Variants in FHIT observed in about 807,000 individuals in gnomAD.
FHIT encodes the protein fragile histidine triad diadenosine triphosphatase.
A neutral mutation model predicts 17.9 loss-of-function variants in FHIT; 19 were observed. That is an observed-to-expected ratio of 1.06 (90% confidence interval 0.74 to 1.56). The LOEUF is 1.56. FHIT is among the 40% of genes most tolerant of loss of function. The probability of loss-of-function intolerance (pLI) is 0.00; values close to 1 mark genes in which losing one functional copy is unlikely to be tolerated. For missense variants in FHIT, 248 were observed against 189.2 expected (o/e 1.31, Z -1.82); for synonymous variants, 81 against 69.7 (o/e 1.16, Z -0.81).
intron 5 of FHIT, among the ~76,000 whole-genome samples, chr3:60,530,898 A>G (rs779928987): frequency 6.6e-5 from 10 of 152,204 alleles, no homozygotes; most frequent in Non-Finnish European, 1.2e-4. Flanking sequence ...GCTGGTGGCC[A>G]TGTACTCTAA....
chr3:61,002,545 GAGCCACAGGCATT>G (rs2031165511), intron 3 of FHIT, among the ~76,000 whole-genome samples: 1 of 152,122 alleles, frequency 6.6e-6, no homozygotes, highest in Non-Finnish European at 1.5e-5. Context: ...CCACAGGCAT[GAGCCACAGGCATT>G]AGCCACTGCA....
intron 1 of FHIT, among the ~76,000 whole-genome samples, chr3:61,243,170 G>A (rs752870292): frequency 2.6e-5 from 4 of 152,216 alleles, no homozygotes; most frequent in African/African-American, 4.8e-5. Context: ...CTCTTTCACC[G>A]TCATAATTTT....
At chr3:60,715,307 C>T (rs962645695) in intron 4 of FHIT, among the ~76,000 whole-genome samples, 4 of 152,052 alleles carry the variant, frequency 2.6e-5, no homozygotes, top group Non-Finnish European at 4.4e-5. Flanking sequence ...AAGACTTAAA[C>T]ATTAGACCTA....
intron 8 of FHIT, among the ~76,000 whole-genome samples, chr3:59,885,281 C>A (rs79177931): frequency 0.011 from 1,738 of 151,954 alleles, 22 homozygotes; most frequent in South Asian, 0.021. Context: ...TCTTCAGACA[C>A]TGAAAATATT....
intron 4 of FHIT, 106 bp from the exon 5 acceptor site, chr3:60,537,085 G>C: frequency 1.1e-6 from 1 of 887,050 alleles, no homozygotes; most frequent in African/African-American, 1.7e-5. Context: ...TAGTTGCAGA[G>C]AGGATGCCAT....
intron 5 of FHIT, among the ~76,000 whole-genome samples, chr3:60,330,784 G>A (rs567659750): frequency 8.5e-5 from 13 of 152,232 alleles, no homozygotes; most frequent in African/African-American, 1.2e-4. Context: ...TGATTTACAC[G>A]TGTTACAATT....
At chr3:60,221,797 G>C (rs996538854) in intron 5 of FHIT, among the ~76,000 whole-genome samples, 1 of 151,862 alleles carries the variant, frequency 6.6e-6, no homozygotes, top group Non-Finnish European at 1.5e-5. Context: ...GCCTAAAATT[G>C]ATCTCCTCAG....
At chr3:60,917,648 T>C (rs1378630227) in intron 3 of FHIT, among the ~76,000 whole-genome samples, 2 of 152,218 alleles carry the variant, frequency 1.3e-5, no homozygotes, top group Non-Finnish European at 2.9e-5. Context: ...TCAGATGTTT[T>C]TCCTCCTTCA....
intron 5 of FHIT, among the ~76,000 whole-genome samples, chr3:60,231,472 T>C (rs1289681079): frequency 6.6e-6 from 1 of 152,178 alleles, no homozygotes; most frequent in Non-Finnish European, 1.5e-5. Flanking sequence ...ACCAACAACC[T>C]GACTTCTAGC....
At chr3:60,576,949 T>C (rs914652835) in intron 4 of FHIT, among the ~76,000 whole-genome samples, 7 of 146,848 alleles carry the variant, frequency 4.8e-5, no homozygotes, top group South Asian at 2.2e-4. Context: ...TCCATTTGCA[T>C]ACACACACAC....
chr3:60,524,746 C>T (rs2035509984), intron 5 of FHIT, among the ~76,000 whole-genome samples: 1 of 152,108 alleles, frequency 6.6e-6, no homozygotes, highest in Non-Finnish European at 1.5e-5. Context: ...CATGTTGTGT[C>T]CTCCTTTTCT....
At position 59,969,805 on chromosome 3, in the gene FHIT, T is replaced by C. The variant is rs3772471; in HGVS notation, c.279+41566A>G. ...CAAAAGCGAGATATTTTCTTGAAAG[T>C]AAAATAACAAAACTTACTGTATGTC... On this transcript the variant is annotated intron_variant, in intron 7 of 9. Transcript: ENST00000492590. Among the ~76,000 whole-genome samples the C allele has an allele frequency of 2.0e-5, 3 of 152,076 alleles. No homozygotes were observed. The East Asian group carries it at 5.8e-4, about 29-fold the overall frequency.
At chr3:60,664,407 G>C (rs1221429233) in intron 4 of FHIT, among the ~76,000 whole-genome samples, 1 of 151,838 alleles carries the variant, frequency 6.6e-6, no homozygotes, top group Non-Finnish European at 1.5e-5. Context: ...ATTTACAAAA[G>C]ACATTGAACT....
chr3:59,814,610 A>C (rs1258490850), intron 8 of FHIT, among the ~76,000 whole-genome samples: 1 of 152,214 alleles, frequency 6.6e-6, no homozygotes, highest in Non-Finnish European at 1.5e-5. Context: ...AGTGGACTCC[A>C]TCCCTTGTCC....
At chr3:60,486,333 T>C (rs886501887) in intron 5 of FHIT, among the ~76,000 whole-genome samples, 1 of 152,162 alleles carries the variant, frequency 6.6e-6, no homozygotes, top group Non-Finnish European at 1.5e-5. Context: ...CATTCTTTTT[T>C]CACAAAAGCA....
chr3:60,441,754 A>T lies in FHIT; in HGVS notation c.103+95106T>A, dbSNP rs1166062246. ...TTTATATATATATATTTATATATAT[A>T]AAAATATATATATATTTATATGTAT... is the stretch of plus-strand genomic sequence containing the variant. On this transcript the variant is annotated intron_variant, in intron 5 of 9. Coordinates refer to ENST00000492590, the MANE Select transcript of FHIT (RefSeq NM_002012.4). Among the ~76,000 whole-genome samples, 39 of 46,380 alleles carry T rather than the reference A, an allele frequency of 8.4e-4. 1 individual carries two copies. The highest frequency in any genetic ancestry group is 2.7e-3 in the African/African-American group (35 of 12,880). The allele number at this position is 46,380 out of a possible 152,430, so 30.4% of individuals were successfully genotyped here. A position where few individuals can be genotyped will look rare whatever the true frequency, so the allele number is the denominator to read the frequency against.
chr3:59,854,764 A>T (rs1281040872), intron 8 of FHIT, among the ~76,000 whole-genome samples: 2 of 151,934 alleles, frequency 1.3e-5, no homozygotes, highest in South Asian at 2.1e-4. Context: ...TTATTGCCAT[A>T]CTAGGCTCCC....
At chr3:60,449,097 C>A (rs565234963) in intron 5 of FHIT, among the ~76,000 whole-genome samples, 7 of 152,076 alleles carry the variant, frequency 4.6e-5, no homozygotes, top group Admixed American at 1.3e-4. Context: ...GGTTACTTCC[C>A]AGAATGCGGC....
intron 4 of FHIT, among the ~76,000 whole-genome samples, chr3:60,752,668 T>G (rs2042492436): frequency 1.3e-5 from 2 of 152,284 alleles, no homozygotes; most frequent in Admixed American, 6.5e-5. Flanking sequence ...AATCCAATCA[T>G]GAGTGTTTGC....
Sources: allele counts gnomAD v4.1 joint callset (sites outside exome capture counted in the v4.1 genomes callset), GRCh38; gene constraint gnomAD v4.1.1; transcripts MANE v1.5; gene names NCBI Gene and HGNC (gene_info 2026-07-23, HGNC 2026-07-21).